VIPR1: variants seen among roughly 807,000 people sequenced by gnomAD.
VIPR1 encodes the protein vasoactive intestinal polypeptide receptor 1.
VIPR1 carries 59 observed loss-of-function variants against 58.8 expected under a neutral mutation model. The observed-to-expected ratio is 1.00, with a 90% confidence interval of 0.81 to 1.25. The LOEUF (loss-of-function observed/expected upper bound fraction) is 1.25, where lower values mean the gene tolerates loss of function less well. VIPR1 is among the 50% of genes most tolerant of loss of function. The probability of loss-of-function intolerance (pLI) is 0.00; values close to 1 mark genes in which losing one functional copy is unlikely to be tolerated. For missense variants in VIPR1, 626 were observed against 602.7 expected (o/e 1.04, Z -0.40); for synonymous variants, 251 against 242.1 (o/e 1.04, Z -0.34).
upstream of VIPR1, among the ~76,000 whole-genome samples, chr3:42,498,267 C>T (rs996984231): frequency 6.6e-6 from 1 of 152,192 alleles, no homozygotes; most frequent in East Asian, 1.9e-4. Context: ...CTGGGCCTGT[C>T]AATGCTCTTC....
intron 1 of VIPR1, among the ~76,000 whole-genome samples, chr3:42,503,959 T>C (rs1699995019): frequency 6.6e-6 from 1 of 152,162 alleles, no homozygotes; most frequent in African/African-American, 2.4e-5. Context: ...TGTTTCCATC[T>C]AGCGGATGTC....
At chr3:42,513,926 G>A in intron 2 of VIPR1, 72 bp downstream of exon 2, 1 of 1,483,410 alleles carries the variant, frequency 6.7e-7, no homozygotes, top group Admixed American at 2.1e-5. Flanking sequence ...CTCAAGCTGA[G>A]ATCCAAGTCA....
intron 6 of VIPR1, chr3:42,528,469 G>C: frequency 3.5e-6 from 1 of 289,654 alleles, no homozygotes; most frequent in Non-Finnish European, 6.7e-6. Flanking sequence ...TACAGCCTCA[G>C]TTTCCCCATC....
rs1397028049 is a variant in VIPR1 at position 42,502,744 on chromosome 3, G to A, written c.9G>A (p.Pro3=). 5.3e-6 allele frequency: 7 copies of A among 1,312,766 alleles called. No individual in the cohort carries two copies. The highest frequency in any genetic ancestry group is 2.2e-5 in the South Asian group (1 of 45,614). 81.3% of individuals were successfully genotyped at this position (1,312,766 alleles called of 1,614,324 possible). ...CGGGCTCAGGGCAGACCATGCGCCC[G>A]CCAAGTCCGCTGCCCGCCCGCTGGC... MR[P]PSPLPARWLC... Residue 3 remains proline, a synonymous_variant, in exon 1 of 13, where the codon CCG becomes CCA. Coordinates refer to ENST00000325123, the MANE Select transcript of VIPR1 (RefSeq NM_004624.4).
At position 42,519,291 on chromosome 3, in the gene VIPR1, G is replaced by T; in HGVS notation, c.253G>T (p.Ala85Ser). The T allele has an allele frequency of 6.2e-7, 1 of 1,610,766 alleles. No homozygotes were observed. The highest frequency in any genetic ancestry group is 8.5e-7 in the Non-Finnish European group (1 of 1,178,546). Residue 85 changes from alanine to serine, a missense_variant, in exon 3 of 13, where the codon GCC becomes TCC. Physicochemically the swap from Ala to Ser is moderately conservative, Grantham distance 99. Coordinates refer to ENST00000325123, the MANE Select transcript of VIPR1 (RefSeq NM_004624.4). ...CCCTCGGGGCCAGGTAGTTGTCTTG[G>T]CCTGTCCCCTCATCTTCAAGCTCTT... ...ATPRGQVVVL[A>S]CPLIFKLFSS... is the part of the protein sequence containing the mutation.
intron 1 of VIPR1, among the ~76,000 whole-genome samples, chr3:42,504,833 A>G (rs1168609562): frequency 6.7e-6 from 1 of 148,994 alleles, no homozygotes. Flanking sequence ...TGAAGGCCCA[A>G]GGCCTTATCA....
chr3:42,494,571 ATACTC>A (rs1334660523), intron 1 of VIPR1, among the ~76,000 whole-genome samples: 5 of 152,232 alleles, frequency 3.3e-5, no homozygotes, highest in African/African-American at 1.2e-4. Flanking sequence ...GCTTTCAAAT[ATACTC>A]TATTCTTGGA....
chr3:42,490,698 T>G (rs1699649357), intron 1 of VIPR1, among the ~76,000 whole-genome samples: 1 of 149,124 alleles, frequency 6.7e-6, no homozygotes. Context: ...TGAAGAAGAG[T>G]AGAGAGTAAA....
At position 42,530,771 on chromosome 3, in the gene VIPR1, C is replaced by T. The variant is rs1701497522; in HGVS notation, c.637-8C>T. On this transcript the variant is annotated splice_polypyrimidine_tract_variant and splice_region_variant and intron_variant, in intron 6 of 12. Coordinates refer to ENST00000325123, the MANE Select transcript of VIPR1 (RefSeq NM_004624.4). ...CAGTGAACCCCGTCTTTTCTCCTCC[C>T]CCTGCAGGTGGGCTGTAAGGCAGCC... The T allele has an allele frequency of 1.9e-6, 3 of 1,613,486 alleles. No homozygotes were observed. The highest frequency in any genetic ancestry group is 2.2e-5 in the South Asian group (2 of 91,046).
intron 1 of VIPR1, among the ~76,000 whole-genome samples, chr3:42,495,597 C>T (rs1173798565): frequency 6.6e-6 from 1 of 152,016 alleles, no homozygotes; most frequent in Non-Finnish European, 1.5e-5. Flanking sequence ...ATCAGGTGAG[C>T]CCTTTAAAAG....
At chr3:42,510,403 G>C (rs1700305922) in intron 1 of VIPR1, among the ~76,000 whole-genome samples, 1 of 152,170 alleles carries the variant, frequency 6.6e-6, no homozygotes, top group Non-Finnish European at 1.5e-5. Flanking sequence ...AACTCTCTCT[G>C]TGTTCCTGAA....
intron 12 of VIPR1, 56 bp from the exon 13 acceptor site, chr3:42,536,034 A>G (rs1701823081): frequency 4.0e-6 from 6 of 1,512,036 alleles, no homozygotes; most frequent in Non-Finnish European, 5.3e-6. Context: ...GGGCAGCCCA[A>G]TCAGCAGTGG....
At chr3:42,506,492 T>G (rs1246188691) in intron 1 of VIPR1, 1 of 152,252 alleles carries the variant, frequency 6.6e-6, no homozygotes, top group Non-Finnish European at 1.5e-5. Flanking sequence ...AATGTCAGTA[T>G]GTACTCTCTC....
upstream of VIPR1, chr3:42,501,952 G>A (rs1051019466): frequency 2.6e-5 from 4 of 152,318 alleles, no homozygotes; most frequent in Non-Finnish European, 5.9e-5. The surrounding 1 kb of genome is among the most constrained non-coding windows in gnomAD (Gnocchi z 4.8). Flanking sequence ...GGCTTGAAGG[G>A]CCAGGGCACC....
chr3:42,522,446 A>G (rs1290580999), intron 3 of VIPR1, among the ~76,000 whole-genome samples: 1 of 152,146 alleles, frequency 6.6e-6, no homozygotes, highest in Non-Finnish European at 1.5e-5. Flanking sequence ...TTTAAAATAA[A>G]TATGGGAGAG....
At chr3:42,513,958 A>T (rs1433423562) in intron 2 of VIPR1, 104 bp downstream of exon 2, 1 of 1,311,370 alleles carries the variant, frequency 7.6e-7, no homozygotes, top group African/African-American at 1.5e-5. Context: ...CATTTATTGG[A>T]TGATGGTGAG....
intron 2 of VIPR1, among the ~76,000 whole-genome samples, chr3:42,517,288 G>A (rs1245344125): frequency 1.3e-5 from 2 of 152,230 alleles, no homozygotes; most frequent in Non-Finnish European, 2.9e-5. Flanking sequence ...CCCCTTCTTG[G>A]GAACTTGTGA....
intron 1 of VIPR1, among the ~76,000 whole-genome samples, chr3:42,493,027 G>A (rs945615121): frequency 1.3e-5 from 2 of 152,282 alleles, no homozygotes; most frequent in African/African-American, 4.8e-5. Flanking sequence ...CCCAAGAAAG[G>A]CTGAAGTTCT....
At chr3:42,528,357 G>A (rs962156053) in intron 6 of VIPR1, 24 of 571,866 alleles carry the variant, frequency 4.2e-5, no homozygotes, top group African/African-American at 2.8e-4. Context: ...CAGACCTGCC[G>A]CCGCCAGTGA....
Sources: allele counts gnomAD v4.1 joint callset (sites outside exome capture counted in the v4.1 genomes callset), GRCh38; gene constraint gnomAD v4.1.1; non-coding constraint Gnocchi (gnomAD v3.1); transcripts MANE v1.5; gene names NCBI Gene and HGNC (gene_info 2026-07-23, HGNC 2026-07-21).